ITFG1: variants seen among roughly 807,000 people sequenced by gnomAD.
ITFG1 encodes integrin alpha FG-GAP repeat containing 1, also known as T-cell immunomodulatory protein.
In ITFG1, 34 loss-of-function variants were observed where a neutral mutation model predicts 81.8. The ratio of observed to expected loss-of-function variants is 0.42; its 90% CI spans 0.32 to 0.55. The LOEUF (loss-of-function observed/expected upper bound fraction) is 0.55. Ranked by LOEUF, ITFG1 falls within the 20% of genes least tolerant of loss-of-function variation. The probability of loss-of-function intolerance (pLI) is 0.17; values close to 1 mark genes in which losing one functional copy is unlikely to be tolerated. For synonymous variants in ITFG1, 285 were observed against 270.6 expected, an observed-to-expected ratio of 1.05 and a Z score of -0.52; for missense variants, 672 against 755.4, an observed-to-expected ratio of 0.89 and a Z score of 1.29.
intron 9 of ITFG1, 77 bp downstream of exon 9, chr16:47,313,652 G>T (rs1284705509): frequency 7.5e-6 from 5 of 669,900 alleles, no homozygotes; most frequent in African/African-American, 1.9e-5. Flanking sequence ...GATTCTACAG[G>T]TATCTTTTCT....
At chr16:47,240,295 C>CAAAAA (rs565661862) in intron 12 of ITFG1, among the ~76,000 whole-genome samples, 2 of 52,436 alleles carry the variant, frequency 3.8e-5, no homozygotes, top group African/African-American at 7.0e-5. Flanking sequence ...GATCCTGTCT[C>CAAAAA]AAAAAAAAAA....
chr16:47,448,238 C>T (rs1429265409), intron 5 of ITFG1: 1 of 151,922 alleles, frequency 6.6e-6, no homozygotes, highest in Admixed American at 6.6e-5. Flanking sequence ...TATCAGCAAA[C>T]AAACAAAATC....
chr16:47,441,902 A>C (rs1214181079), intron 5 of ITFG1, among the ~76,000 whole-genome samples: 4 of 152,376 alleles, frequency 2.6e-5, no homozygotes, highest in African/African-American at 7.2e-5. Flanking sequence ...CCCTGTTTGC[A>C]GATGACATGA....
At chr16:47,234,993 T>C (rs1007315037) in intron 13 of ITFG1, among the ~76,000 whole-genome samples, 3 of 152,202 alleles carry the variant, frequency 2.0e-5, no homozygotes, top group Admixed American at 6.5e-5. Context: ...TCCACCATGA[T>C]TGTAAGTTTC....
intron 4 of ITFG1, among the ~76,000 whole-genome samples, chr16:47,451,810 A>G (rs1050044512): frequency 1.3e-5 from 2 of 152,214 alleles, no homozygotes; most frequent in African/African-American, 4.8e-5. Context: ...CCCACACTGG[A>G]CATATAGTAA....
At chr16:47,213,375 T>G (rs985068811) in intron 14 of ITFG1, among the ~76,000 whole-genome samples, 1 of 152,218 alleles carries the variant, frequency 6.6e-6, no homozygotes, top group Non-Finnish European at 1.5e-5. Context: ...TTGAAAAGAA[T>G]GTATTGCTGT....
At chr16:47,314,207 T>G (rs1185522096) in intron 8 of ITFG1, among the ~76,000 whole-genome samples, 1 of 152,184 alleles carries the variant, frequency 6.6e-6, no homozygotes, top group African/African-American at 2.4e-5. Context: ...AAGAAAAATG[T>G]ATAGTGTTGG....
At chr16:47,414,776 C>A (rs1968853965) in intron 6 of ITFG1, among the ~76,000 whole-genome samples, 1 of 152,094 alleles carries the variant, frequency 6.6e-6, no homozygotes, top group Non-Finnish European at 1.5e-5. Flanking sequence ...TACTTTTGAA[C>A]TGTTTTAATT....
chr16:47,281,797 C>T (rs561571890), intron 10 of ITFG1, among the ~76,000 whole-genome samples: 2 of 151,734 alleles, frequency 1.3e-5, no homozygotes, highest in East Asian at 1.9e-4. Context: ...AGAGGTTTAA[C>T]GATTTTGTTG....
intron 6 of ITFG1, among the ~76,000 whole-genome samples, chr16:47,384,254 G>C (rs1465800528): frequency 6.6e-6 from 1 of 152,198 alleles, no homozygotes; most frequent in African/African-American, 2.4e-5. Flanking sequence ...CAGGTGGTCA[G>C]CTAAGGTTAG....
chr16:47,425,475 C>G (rs570374749), intron 6 of ITFG1, among the ~76,000 whole-genome samples: 3 of 152,224 alleles, frequency 2.0e-5, no homozygotes, highest in African/African-American at 7.2e-5. Context: ...AGTCCCAATG[C>G]AATGAACCAG....
intron 13 of ITFG1, among the ~76,000 whole-genome samples, chr16:47,227,527 T>C (rs1163956755): frequency 1.3e-5 from 2 of 152,198 alleles, no homozygotes; most frequent in African/African-American, 2.4e-5. Context: ...TTGTATCATA[T>C]AGATTCTTTC....
chr16:47,211,360 G>A (rs990152698), intron 14 of ITFG1, among the ~76,000 whole-genome samples: 2 of 152,118 alleles, frequency 1.3e-5, no homozygotes, highest in African/African-American at 2.4e-5. Context: ...TGATTTTTGC[G>A]TTCTTGTATC....
At chr16:47,201,473 C>T (rs921252188) in intron 14 of ITFG1, among the ~76,000 whole-genome samples, 4 of 152,188 alleles carry the variant, frequency 2.6e-5, no homozygotes, top group African/African-American at 9.6e-5. Flanking sequence ...TCCCAGAGTG[C>T]TGGGATTACA....
intron 14 of ITFG1, among the ~76,000 whole-genome samples, chr16:47,169,158 AAG>A (rs1372968688): frequency 6.6e-6 from 1 of 152,152 alleles, no homozygotes. Flanking sequence ...TGGAAAGTGT[AAG>A]TCCTCTCAGC....
At chr16:47,174,694 A>C (rs1965002493) in intron 14 of ITFG1, among the ~76,000 whole-genome samples, 1 of 151,970 alleles carries the variant, frequency 6.6e-6, no homozygotes, top group Non-Finnish European at 1.5e-5. Context: ...CTAATTTTGT[A>C]TTTTTAGTAG....
At chr16:47,176,449 C>T (rs181618223) in intron 14 of ITFG1, among the ~76,000 whole-genome samples, 259 of 152,026 alleles carry the variant, frequency 1.7e-3, no homozygotes, top group Middle Eastern at 0.017. Flanking sequence ...AAGAGTGAAG[C>T]GAAGACTCTG....
chr16:47,418,906 T>C (rs1968906120), intron 6 of ITFG1, among the ~76,000 whole-genome samples: 1 of 152,204 alleles, frequency 6.6e-6, no homozygotes, highest in African/African-American at 2.4e-5. Context: ...AATTTTAGGA[T>C]TGTTTTTCCT....
intron 10 of ITFG1, among the ~76,000 whole-genome samples, chr16:47,267,080 C>T (rs1596848201): frequency 1.3e-5 from 2 of 152,140 alleles, no homozygotes; most frequent in South Asian, 2.1e-4. Flanking sequence ...GAGCTTCATT[C>T]GGGGTTAATG....
Sources: allele counts gnomAD v4.1 joint callset (sites outside exome capture counted in the v4.1 genomes callset), GRCh38; gene constraint gnomAD v4.1.1; transcripts MANE v1.5; gene names NCBI Gene and HGNC (gene_info 2026-07-23, HGNC 2026-07-21).